Variants in XXYLT1 observed in about 807,000 individuals in gnomAD.
The protein encoded by XXYLT1 is UDP-xylose:alpha-xyloside alpha-1,3-xylosyltransferase.
A neutral mutation model predicts 28.9 loss-of-function variants in XXYLT1; 20 were observed. The observed-to-expected ratio is 0.69, with a 90% confidence interval of 0.49 to 1.00. The LOEUF (loss-of-function observed/expected upper bound fraction) is 1.00. Ranked by LOEUF, XXYLT1 falls within the 50% of genes least tolerant of loss-of-function variation. The probability of loss-of-function intolerance (pLI) is 0.00; values close to 1 mark genes in which losing one functional copy is unlikely to be tolerated. For synonymous variants in XXYLT1, 257 were observed against 253.8 expected, an observed-to-expected ratio of 1.01 and a Z score of -0.12; for missense variants, 542 against 560.1, an observed-to-expected ratio of 0.97 and a Z score of 0.33.
chr3:195,197,392 G>A (rs187360624), intron 2 of XXYLT1, among the ~76,000 whole-genome samples: 42 of 149,946 alleles, frequency 2.8e-4, no homozygotes, highest in African/African-American at 8.6e-4. Context: ...AGCCAAGATC[G>A]CGCCACTGCA....
At chr3:195,238,296 A>G (rs1302835240) in intron 1 of XXYLT1, among the ~76,000 whole-genome samples, 1 of 152,088 alleles carries the variant, frequency 6.6e-6, no homozygotes, top group Non-Finnish European at 1.5e-5. Flanking sequence ...CTGCCTGGTA[A>G]GATCCTATCC....
chr3:195,158,449 C>T lies in XXYLT1; in HGVS notation c.653-1868G>A, dbSNP rs528357954. Among the ~76,000 whole-genome samples the T allele has an allele frequency of 2.4e-4, 36 of 152,320 alleles. No homozygotes were observed. The South Asian group carries it at 7.5e-3, about 32-fold the overall frequency. On this transcript the variant is annotated intron_variant, in intron 2 of 3. Coordinates refer to ENST00000310380, the MANE Select transcript of XXYLT1 (RefSeq NM_152531.5). ...TACCCTTCAGTAAACCTGAGCACTT[C>T]CCCTGCGCTTTAGGGACCAACTGGG...
At chr3:195,113,903 G>T (rs1717911171) in intron 3 of XXYLT1, among the ~76,000 whole-genome samples, 1 of 152,172 alleles carries the variant, frequency 6.6e-6, no homozygotes, top group African/African-American at 2.4e-5. Context: ...GGCCATGAAT[G>T]ACAGAGAGGA....
intron 3 of XXYLT1, among the ~76,000 whole-genome samples, chr3:195,131,489 C>T (rs1038406015): frequency 4.6e-5 from 7 of 152,248 alleles, no homozygotes; most frequent in South Asian, 2.1e-4. Flanking sequence ...CACAAATCAG[C>T]AGTCACAAAG....
At chr3:195,182,638 T>C (rs530018378) in intron 2 of XXYLT1, among the ~76,000 whole-genome samples, 25 of 152,124 alleles carry the variant, frequency 1.6e-4, no homozygotes, top group Non-Finnish European at 3.4e-4. Context: ...CCCTGAAACC[T>C]AGCAATAAGC....
At chr3:195,095,327 T>A (rs1716367785) in intron 3 of XXYLT1, 1 of 153,898 alleles carries the variant, frequency 6.5e-6, no homozygotes, top group South Asian at 2.1e-4. Context: ...CTCAGAAGAC[T>A]CTGCCAGGGC....
chr3:195,270,785 C>G lies in XXYLT1; in HGVS notation c.274G>C (p.Gly92Arg). 3.2e-6 allele frequency: 5 copies of G among 1,569,124 alleles called. No homozygotes were observed. The highest frequency in any genetic ancestry group is 4.3e-6 in the Non-Finnish European group (5 of 1,163,070). ...TGGTAGTCCACCGGCCCGGCACCGC[C>G]GCCCTCCAAGCTCTTGGCCTTCGCG... The part of the protein sequence containing the change: ...PGAKAKSLEG[G>R]GAGPVDYHLL... Residue 92 changes from glycine to arginine, a missense_variant, in exon 1 of 4, where the codon GGC becomes CGC. Transcript: ENST00000310380.
intron 3 of XXYLT1, among the ~76,000 whole-genome samples, chr3:195,134,350 G>C (rs1248722466): frequency 6.6e-6 from 1 of 152,138 alleles, no homozygotes; most frequent in Non-Finnish European, 1.5e-5. Context: ...AGTCCTACAA[G>C]CTCCACTGAT....
At chr3:195,228,548 G>T (rs1724159055) in intron 1 of XXYLT1, among the ~76,000 whole-genome samples, 1 of 146,138 alleles carries the variant, frequency 6.8e-6, no homozygotes, top group South Asian at 2.2e-4. Flanking sequence ...CTGGAGTACA[G>T]GGGTGCAATC....
chr3:195,189,297 G>A (rs1003540752), intron 2 of XXYLT1, among the ~76,000 whole-genome samples: 2 of 152,158 alleles, frequency 1.3e-5, no homozygotes, highest in Non-Finnish European at 2.9e-5. Context: ...ACCACACATT[G>A]CAAGTGAGAC....
chr3:195,209,163 C>T lies in XXYLT1; in HGVS notation c.652+17546G>A, dbSNP rs1723201391. On this transcript the variant is annotated intron_variant, in intron 2 of 3. Coordinates refer to ENST00000310380, the MANE Select transcript of XXYLT1 (RefSeq NM_152531.5). This position sits in a 1 kb window ranked among gnomAD's most constrained non-coding sequence, Gnocchi z 5.0. ...CCAGTGGGGTTAGGACAGGAACCGG[C>T]TCACCCTGTTAAGAAGCCAGTCCTC... Among the ~76,000 whole-genome samples the T allele has an allele frequency of 6.6e-6, 1 of 152,214 alleles. No individual in the cohort carries two copies. Among genetic ancestry groups the T allele is most frequent in the Non-Finnish European group, 1.5e-5 (1 of 68,028 alleles).
At chr3:195,152,962 G>A (rs976097853) in intron 3 of XXYLT1, among the ~76,000 whole-genome samples, 12 of 152,206 alleles carry the variant, frequency 7.9e-5, no homozygotes, top group African/African-American at 2.9e-4. Flanking sequence ...TCTCTGGGGA[G>A]ACCCCTTGGT....
intron 1 of XXYLT1, among the ~76,000 whole-genome samples, chr3:195,232,315 T>C (rs949423662): frequency 4.0e-5 from 6 of 149,552 alleles, no homozygotes; most frequent in Admixed American, 3.3e-4. Context: ...ATTTTATCTT[T>C]TCAAAATACC....
rs568303361 is a variant in XXYLT1, at chr3:195,120,873, C to T, written c.785+35576G>A. 1.2e-4 allele frequency among the ~76,000 whole-genome samples: 18 copies of T among 152,352 alleles called. No individual in the cohort carries two copies. The South Asian group carries it at 3.1e-3, about 26-fold the overall frequency. On this transcript the variant is annotated intron_variant, in intron 3 of 3. Coordinates refer to ENST00000310380, the MANE Select transcript of XXYLT1 (RefSeq NM_152531.5). ...AGCTCCTGCATGTCAGGCCAGCCCC[C>T]GCCCTGTTCCCAGACAGTCAGGGTT... is the stretch of plus-strand genomic sequence containing the variant.
rs148025875 is a variant in XXYLT1, at chr3:195,183,901, G to A, written c.653-27320C>T. 1.7e-4 allele frequency among the ~76,000 whole-genome samples: 26 copies of A among 152,332 alleles called. No homozygotes were observed. In the East Asian group the frequency reaches 3.3e-3, roughly 19 times the overall value. On this transcript the variant is annotated intron_variant, in intron 2 of 3. Transcript: ENST00000310380. ...GGAAGGCCTGACACTTCCCAGGATCGAAGGGCTATGTGATCCACTTGGCTG... is the reference window on the plus strand; with the variant it reads ...GGAAGGCCTGACACTTCCCAGGATCAAAGGGCTATGTGATCCACTTGGCTG...
At chr3:195,236,154 T>C (rs1724538017) in intron 1 of XXYLT1, among the ~76,000 whole-genome samples, 1 of 152,214 alleles carries the variant, frequency 6.6e-6, no homozygotes, top group African/African-American at 2.4e-5. Context: ...TGGCAAAGAC[T>C]GCCAGGCTTG....
intron 3 of XXYLT1, among the ~76,000 whole-genome samples, chr3:195,114,687 C>T (rs1717951750): frequency 6.6e-6 from 1 of 152,246 alleles, no homozygotes; most frequent in Admixed American, 6.5e-5. Flanking sequence ...ATGAACAGCA[C>T]TTGATGTAGA....
chr3:195,231,041 C>G (rs946271419), intron 1 of XXYLT1, among the ~76,000 whole-genome samples: 2 of 151,858 alleles, frequency 1.3e-5, no homozygotes, highest in Admixed American at 6.6e-5. Context: ...TCTTGGTGTC[C>G]TCTTCAGTTT....
rs555903255 is a variant in XXYLT1 at position 195,069,405 on chromosome 3, G to T, written c.*310C>A. On this transcript the variant is annotated 3_prime_UTR_variant, in exon 4 of 4. Coordinates refer to ENST00000310380, the MANE Select transcript of XXYLT1 (RefSeq NM_152531.5). ...AAAGGATTTCCATTCCTCAGAGGCA[G>T]ACAGCAAGGGGGACCCTTTCTCCCC... 1 of 349,856 alleles carries T rather than the reference G, an allele frequency of 2.9e-6. No homozygotes were observed. Among genetic ancestry groups the T allele is most frequent in the African/African-American group, 2.1e-5 (1 of 48,484 alleles). The allele number at this position is 349,856 out of a possible 1,614,324, so 21.7% of individuals were successfully genotyped here. A position where few individuals can be genotyped will look rare whatever the true frequency, so the allele number is the denominator to read the frequency against.
Sources: gnomAD v4.1 joint callset for allele counts (sites outside exome capture counted in the v4.1 genomes callset) on GRCh38, gnomAD v4.1.1 for gene constraint, Gnocchi (gnomAD v3.1) non-coding constraint, MANE v1.5 for transcripts, NCBI Gene and HGNC (gene_info 2026-07-23, HGNC 2026-07-21) for gene names.